ALK: variants seen among roughly 807,000 people sequenced by gnomAD.
ALK encodes ALK receptor tyrosine kinase.
Under a neutral mutation model 163.1 loss-of-function variants are expected in ALK, and 74 were observed. The observed-to-expected ratio is 0.45, with a 90% CI of 0.38 to 0.55. ALK has a LOEUF of 0.55. Ranked by LOEUF, ALK falls within the 20% of genes least tolerant of loss-of-function variation. The probability of loss-of-function intolerance (pLI) is 0.00; values close to 1 mark genes in which losing one functional copy is unlikely to be tolerated. For synonymous variants in ALK, 960 were observed against 843.2 expected (o/e 1.14, Z -2.40); for missense variants, 2,063 against 2,105.3 (o/e 0.98, Z 0.39).
At chr2:29,330,857 C>T (rs931494890) in intron 5 of ALK, among the ~76,000 whole-genome samples, 4 of 152,232 alleles carry the variant, frequency 2.6e-5, no homozygotes, top group African/African-American at 2.4e-5. Flanking sequence ...GTCAAGGAAG[C>T]GATTCTCCTA....
chr2:29,622,279 C>T (rs890814173), intron 3 of ALK, among the ~76,000 whole-genome samples: 19 of 152,116 alleles, frequency 1.2e-4, no homozygotes, highest in Admixed American at 5.9e-4. Flanking sequence ...AAGACATATC[C>T]GAGACTGGGA....
chr2:29,729,349 AAG>A (rs1340856044), intron 1 of ALK, among the ~76,000 whole-genome samples: 6 of 152,184 alleles, frequency 3.9e-5, no homozygotes, highest in African/African-American at 1.2e-4. Context: ...GAGAGAAAAG[AAG>A]AGAGAGGAAG....
At chr2:29,841,631 G>A (rs543457786) in intron 1 of ALK, among the ~76,000 whole-genome samples, 12 of 152,308 alleles carry the variant, frequency 7.9e-5, no homozygotes, top group Non-Finnish European at 1.8e-4. Context: ...GCTGCGCTCC[G>A]TGAGTCCTGG....
At chr2:29,365,539 G>C (rs566311825) in intron 5 of ALK, among the ~76,000 whole-genome samples, 21 of 152,284 alleles carry the variant, frequency 1.4e-4, no homozygotes, top group African/African-American at 4.6e-4. Context: ...GCAGGAAAAA[G>C]ACACAAGTGG....
At chr2:29,652,775 C>T (rs1483493516) in intron 3 of ALK, among the ~76,000 whole-genome samples, 1 of 152,138 alleles carries the variant, frequency 6.6e-6, no homozygotes, top group Non-Finnish European at 1.5e-5. Flanking sequence ...GGTAGCTGAA[C>T]ATCTGGAACT....
chr2:29,788,671 T>C (rs1439152903), intron 1 of ALK, among the ~76,000 whole-genome samples: 1 of 152,080 alleles, frequency 6.6e-6, no homozygotes, highest in Non-Finnish European at 1.5e-5. Flanking sequence ...ACTGTCATAA[T>C]AGAACAGAAA....
At chr2:29,381,934 A>T (rs1220039049) in intron 5 of ALK, among the ~76,000 whole-genome samples, 1 of 152,228 alleles carries the variant, frequency 6.6e-6, no homozygotes, top group Non-Finnish European at 1.5e-5. Context: ...AAACACTGAG[A>T]TCACCTTGTT....
intron 1 of ALK, among the ~76,000 whole-genome samples, chr2:29,872,533 G>C (rs138779303): frequency 3.0e-4 from 45 of 152,332 alleles, no homozygotes; most frequent in African/African-American, 1.1e-3. Flanking sequence ...CACCTGGCAG[G>C]ACAGTATACC....
intron 4 of ALK, among the ~76,000 whole-genome samples, chr2:29,450,678 A>G (rs1670797814): frequency 6.6e-6 from 1 of 152,208 alleles, no homozygotes; most frequent in South Asian, 2.1e-4. Flanking sequence ...AAGTCTACTG[A>G]TTCATGGAGG....
intron 4 of ALK, among the ~76,000 whole-genome samples, chr2:29,489,743 A>G (rs1671857149): frequency 6.6e-6 from 1 of 152,240 alleles, no homozygotes; most frequent in African/African-American, 2.4e-5. Flanking sequence ...GAAGAAGCCT[A>G]TTCTAGGGAT....
intron 1 of ALK, among the ~76,000 whole-genome samples, chr2:29,851,515 G>T (rs1665991837): frequency 6.6e-6 from 1 of 152,186 alleles, no homozygotes; most frequent in Non-Finnish European, 1.5e-5. Context: ...TTCTCAGGAA[G>T]TGCTTTCCTG....
chr2:29,254,152 A>T (rs961882839), intron 11 of ALK, among the ~76,000 whole-genome samples: 3 of 152,192 alleles, frequency 2.0e-5, no homozygotes, highest in Non-Finnish European at 4.4e-5. Context: ...CCCTTCTGCC[A>T]TAAGTGTAAG....
intron 1 of ALK, among the ~76,000 whole-genome samples, chr2:29,778,130 G>C (rs1285335215): frequency 6.6e-6 from 1 of 152,198 alleles, no homozygotes; most frequent in Non-Finnish European, 1.5e-5. Context: ...CTCAGGACAG[G>C]ACAACAAGTC....
intron 4 of ALK, among the ~76,000 whole-genome samples, chr2:29,518,283 A>G (rs1672724175): frequency 6.6e-6 from 1 of 152,212 alleles, no homozygotes; most frequent in Non-Finnish European, 1.5e-5. Flanking sequence ...TCTGGCAATT[A>G]GGGGAACAAA....
chr2:29,497,447 G>C (rs1672059328), intron 4 of ALK, among the ~76,000 whole-genome samples: 1 of 152,016 alleles, frequency 6.6e-6, no homozygotes, highest in Non-Finnish European at 1.5e-5. Context: ...CAGAACCTTG[G>C]TCTAGGTCAG....
At chr2:29,572,793 G>A (rs1233612775) in intron 3 of ALK, among the ~76,000 whole-genome samples, 1 of 152,120 alleles carries the variant, frequency 6.6e-6, no homozygotes, top group Non-Finnish European at 1.5e-5. Flanking sequence ...TTGGGAAAAT[G>A]CCCCTCATCC....
intron 1 of ALK, among the ~76,000 whole-genome samples, chr2:29,815,668 TAATG>T (rs1664878193): frequency 6.6e-6 from 1 of 152,182 alleles, no homozygotes; most frequent in African/African-American, 2.4e-5. Context: ...CATTATTAAT[TAATG>T]AAGTAAGAAT....
At chr2:29,304,505 A>AG (rs1666452287) in intron 8 of ALK, among the ~76,000 whole-genome samples, 2 of 151,482 alleles carry the variant, frequency 1.3e-5, no homozygotes, top group Admixed American at 1.3e-4. Context: ...AAAAAAAAAA[A>AG]AAAAAAGAAA....
chr2:29,633,849 C>T (rs11685445), intron 3 of ALK, among the ~76,000 whole-genome samples: 96,704 of 151,880 alleles, frequency 0.64, 31,755 homozygotes, highest in Middle Eastern at 0.73. Context: ...AAACACAAAC[C>T]ACCACAAGTC....
Sources: gnomAD v4.1 joint callset for allele counts (sites outside exome capture counted in the v4.1 genomes callset) on GRCh38, gnomAD v4.1.1 for gene constraint, MANE v1.5 for transcripts, NCBI Gene and HGNC (gene_info 2026-07-23, HGNC 2026-07-21) for gene names.